Variants in ZNF804A observed in about 807,000 individuals in gnomAD.
ZNF804A encodes the protein zinc finger protein 804A.
A neutral mutation model predicts 16.5 loss-of-function variants in ZNF804A; 2 were observed. That is an observed-to-expected ratio of 0.12 (90% CI 0.05 to 0.38). The LOEUF is 0.38. Among genes scored for constraint, ZNF804A ranks in the 10% least tolerant of loss-of-function variants. ZNF804A has a pLI of 0.99. For synonymous variants in ZNF804A, 534 were observed against 489.6 expected (o/e 1.09, Z -1.20); for missense variants, 1,473 against 1,390.7 (o/e 1.06, Z -0.94).
At chr2:184,700,296 T>C (rs374157480) in intron 1 of ZNF804A, among the ~76,000 whole-genome samples, 20 of 152,070 alleles carry the variant, frequency 1.3e-4, no homozygotes, top group East Asian at 1.2e-3. Flanking sequence ...CTAAATAGAT[T>C]GGTGGGACAT....
intron 1 of ZNF804A, among the ~76,000 whole-genome samples, chr2:184,725,180 C>T (rs1359630321): frequency 3.3e-5 from 5 of 151,508 alleles, no homozygotes. Flanking sequence ...ATTTTTACCT[C>T]CTATAAGAAG....
At chr2:184,818,874 T>C (rs977928443) in intron 1 of ZNF804A, among the ~76,000 whole-genome samples, 1 of 152,076 alleles carries the variant, frequency 6.6e-6, no homozygotes, top group African/African-American at 2.4e-5. Context: ...ATTCTAAATA[T>C]ATATGCATCC....
chr2:184,776,000 T>C (rs1694280182), intron 1 of ZNF804A, among the ~76,000 whole-genome samples: 1 of 151,600 alleles, frequency 6.6e-6, no homozygotes, highest in Non-Finnish European at 1.5e-5. Flanking sequence ...ATAAAACTGA[T>C]AGAGCTAGAA....
intron 1 of ZNF804A, among the ~76,000 whole-genome samples, chr2:184,754,951 C>T (rs560286524): frequency 8.6e-5 from 13 of 151,922 alleles, no homozygotes; most frequent in Admixed American, 4.6e-4. Flanking sequence ...CGTGAGAAGT[C>T]ATTCACCATC....
chr2:184,737,991 T>C (rs1394867608), intron 1 of ZNF804A, among the ~76,000 whole-genome samples: 2 of 151,726 alleles, frequency 1.3e-5, no homozygotes, highest in Admixed American at 1.3e-4. Flanking sequence ...CCAGGCATGG[T>C]GGTGCATGCC....
intron 2 of ZNF804A, among the ~76,000 whole-genome samples, chr2:184,880,720 C>G (rs1255863273): frequency 6.6e-6 from 1 of 151,870 alleles, no homozygotes; most frequent in Non-Finnish European, 1.5e-5. Context: ...CAGGGAAGTT[C>G]AAGATTAAGG....
At chr2:184,897,188 G>A (rs1333114097) in intron 2 of ZNF804A, among the ~76,000 whole-genome samples, 2 of 151,976 alleles carry the variant, frequency 1.3e-5, no homozygotes, top group African/African-American at 4.8e-5. Flanking sequence ...GTTTTGGGGG[G>A]AAGAAAAACC....
At position 184,628,681 on chromosome 2, in the gene ZNF804A, A is replaced by G. The variant is rs193255652; in HGVS notation, c.111+29611A>G. ...TAAAAAAATACTTGTGTTTGAGTTC[A>G]TCACATCTAGAATTGATGGTACAGA... On this transcript the variant is annotated intron_variant, in intron 1 of 3. Transcript: ENST00000302277. Among the ~76,000 whole-genome samples, 349 of 152,218 alleles carry G rather than the reference A, an allele frequency of 2.3e-3. 1 individual carries two copies. Among genetic ancestry groups the G allele is most frequent in the African/African-American group, 7.7e-3 (321 of 41,556 alleles).
At chr2:184,857,270 T>C (rs747830155) in intron 1 of ZNF804A, among the ~76,000 whole-genome samples, 1 of 152,162 alleles carries the variant, frequency 6.6e-6, no homozygotes, top group South Asian at 2.1e-4. Flanking sequence ...TTAATTTCCA[T>C]GTATTTCATA....
rs574650472 is a variant in ZNF804A, at chr2:184,703,606, C to T, written c.111+104536C>T. On this transcript the variant is annotated intron_variant, in intron 1 of 3. Coordinates refer to ENST00000302277, the MANE Select transcript of ZNF804A (RefSeq NM_194250.2). Reference sequence around the variant, plus strand: ...TGGGGAGGCTGAGGCAGGAGAATGGCGTGAACCCAGGAGGTGGAGCTTGCA... The same window carrying T: ...TGGGGAGGCTGAGGCAGGAGAATGGTGTGAACCCAGGAGGTGGAGCTTGCA... 3.2e-3 allele frequency among the ~76,000 whole-genome samples: 446 copies of T among 139,114 alleles called. 1 individual carries two copies. The highest frequency in any genetic ancestry group is 0.011 in the African/African-American group (429 of 37,590). 91.3% of individuals were successfully genotyped at this position (139,114 alleles called of 152,430 possible).
chr2:184,776,633 G>T (rs181539891), intron 1 of ZNF804A, among the ~76,000 whole-genome samples: 1 of 151,566 alleles, frequency 6.6e-6, no homozygotes, highest in East Asian at 1.9e-4. Flanking sequence ...ACCACCTGAG[G>T]ATTGTTTTGG....
chr2:184,892,787 T>A (rs926760735), intron 2 of ZNF804A, among the ~76,000 whole-genome samples: 4 of 152,212 alleles, frequency 2.6e-5, no homozygotes, highest in Non-Finnish European at 5.9e-5. Flanking sequence ...TCAGCTGTGT[T>A]CTTTATTTGA....
intron 1 of ZNF804A, among the ~76,000 whole-genome samples, chr2:184,765,752 C>A (rs978905821): frequency 6.6e-6 from 1 of 151,970 alleles, no homozygotes; most frequent in Non-Finnish European, 1.5e-5. Context: ...GTTTTGTATA[C>A]GGCTCGTCCT....
At chr2:184,853,718 C>A (rs1182807497) in intron 1 of ZNF804A, among the ~76,000 whole-genome samples, 1 of 151,672 alleles carries the variant, frequency 6.6e-6, no homozygotes, top group Non-Finnish European at 1.5e-5. Context: ...GTATGCTGAA[C>A]CATTCTTGCA....
intron 1 of ZNF804A, among the ~76,000 whole-genome samples, chr2:184,677,162 T>A (rs144645541): frequency 6.6e-6 from 1 of 152,108 alleles, no homozygotes; most frequent in East Asian, 1.9e-4. Flanking sequence ...GTGCTTAAAC[T>A]GTATAGGATT....
At chr2:184,760,586 A>G (rs1694025673) in intron 1 of ZNF804A, among the ~76,000 whole-genome samples, 1 of 152,116 alleles carries the variant, frequency 6.6e-6, no homozygotes, top group Admixed American at 6.6e-5. Context: ...ATGGTAGCAT[A>G]TCTTTCATAT....
At chr2:184,752,794 A>C (rs112000298) in intron 1 of ZNF804A, among the ~76,000 whole-genome samples, 1 of 151,684 alleles carries the variant, frequency 6.6e-6, no homozygotes, top group Non-Finnish European at 1.5e-5. Flanking sequence ...CCAATTAAAA[A>C]ATAGGAAAAG....
intron 1 of ZNF804A, among the ~76,000 whole-genome samples, chr2:184,824,155 A>G (rs1368733256): frequency 6.6e-6 from 1 of 152,188 alleles, no homozygotes; most frequent in African/African-American, 2.4e-5. Context: ...TAACTCAGGC[A>G]GAAGTGAGAC....
Position 184,599,182 on chromosome 2 carries a change from T to A in ZNF804A, c.111+112T>A, listed in dbSNP as rs1258868507. 5 of 833,690 alleles carry A rather than the reference T, an allele frequency of 6.0e-6. No homozygotes were observed. In the Admixed American group the frequency reaches 1.1e-4, roughly 18 times the overall value. The allele number at this position is 833,690 out of a possible 1,614,324, so 51.6% of individuals were successfully genotyped here. ...TTGGTTTATAATTTACTCATTTTTT[T>A]ATCTGGTGGGCGTGGGGTGAGAATT... is the stretch of plus-strand genomic sequence containing the variant. On this transcript the variant is annotated intron_variant, in intron 1 of 3. Coordinates refer to ENST00000302277, the MANE Select transcript of ZNF804A (RefSeq NM_194250.2).
Sources: allele counts gnomAD v4.1 joint callset (sites outside exome capture counted in the v4.1 genomes callset), GRCh38; gene constraint gnomAD v4.1.1; transcripts MANE v1.5; gene names NCBI Gene and HGNC (gene_info 2026-07-23, HGNC 2026-07-21).